LDLRAD3: variants seen among roughly 807,000 people sequenced by gnomAD.
The protein encoded by LDLRAD3 is low density lipoprotein receptor class A domain containing 3.
A neutral mutation model predicts 29.4 loss-of-function variants in LDLRAD3; 20 were observed. The observed-to-expected ratio is 0.68, with a 90% CI of 0.48 to 0.99. The LOEUF is 0.99. Among genes scored for constraint, LDLRAD3 ranks in the 50% least tolerant of loss-of-function variants. LDLRAD3 has a pLI of 0.00. For synonymous variants in LDLRAD3, 157 were observed against 192.7 expected (o/e 0.81, Z 1.53); for missense variants, 420 against 454.3 (o/e 0.92, Z 0.69).
At chr11:36,137,139 A>T (rs754898380) in intron 4 of LDLRAD3, among the ~76,000 whole-genome samples, 40 of 152,236 alleles carry the variant, frequency 2.6e-4, no homozygotes, top group Non-Finnish European at 5.3e-4. Context: ...TCCATGGAAC[A>T]TAACGCAGCC....
chr11:36,136,923 T>G, intron 4 of LDLRAD3, among the ~76,000 whole-genome samples: 1 of 152,140 alleles, frequency 6.6e-6, no homozygotes. Context: ...ACTCCTGGCC[T>G]CGAGTGATCC....
In LDLRAD3 at chr11:36,127,550, T is replaced by C. The variant is rs115412727; in HGVS notation, c.454+29089T>C. ...AACATAGTAGGTACTCAAGAAATGC[T>C]TGATGCTGCTGGGTTAGTCTTATTG... On this transcript the variant is annotated intron_variant, in intron 4 of 5. Transcript: ENST00000315571. Among the ~76,000 whole-genome samples the C allele has an allele frequency of 4.1e-3, 629 of 152,320 alleles. 3 individuals are homozygous for C. Among genetic ancestry groups the C allele is most frequent in the African/African-American group, 0.015 (604 of 41,562 alleles).
At position 36,178,710 on chromosome 11, in the gene LDLRAD3, C is replaced by T. The variant is rs78362695; in HGVS notation, c.455-48375C>T. Among the ~76,000 whole-genome samples the T allele has an allele frequency of 6.1e-3, 931 of 152,306 alleles. 12 individuals carry two copies. Among genetic ancestry groups the T allele is most frequent in the African/African-American group, 0.021 (882 of 41,560 alleles). On this transcript the variant is annotated intron_variant, in intron 4 of 5. Transcript: ENST00000315571. ...AATATTCTGTCTCCATCTCCACTTGCTAAAGTTGTTTCCATCCTTCAAGAC... is the reference window on the plus strand; with the variant it reads ...AATATTCTGTCTCCATCTCCACTTGTTAAAGTTGTTTCCATCCTTCAAGAC...
At chr11:35,971,150 G>A (rs947626356) in intron 1 of LDLRAD3, among the ~76,000 whole-genome samples, 1 of 152,162 alleles carries the variant, frequency 6.6e-6, no homozygotes, top group Non-Finnish European at 1.5e-5. Context: ...AATTCTGCCT[G>A]TACCCTTACC....
intron 1 of LDLRAD3, chr11:35,967,498 C>G (rs1329256649): frequency 2.8e-6 from 1 of 358,648 alleles, no homozygotes; most frequent in East Asian, 7.8e-5. Context: ...CTTGCAAAAT[C>G]TCATTTGCTA....
intron 4 of LDLRAD3, chr11:36,110,053 T>C (rs1350274037): frequency 6.6e-6 from 1 of 152,248 alleles, no homozygotes; most frequent in African/African-American, 2.4e-5. Context: ...TCGAAGAAAC[T>C]GAAGGAGGCT....
chr11:36,029,213 C>T (rs1389051130), intron 1 of LDLRAD3, among the ~76,000 whole-genome samples: 3 of 151,762 alleles, frequency 2.0e-5, no homozygotes, highest in Non-Finnish European at 4.4e-5. Flanking sequence ...TCACTGTACT[C>T]CAGCCTGGCA....
At chr11:36,144,449 T>C (rs1854139316) in intron 4 of LDLRAD3, among the ~76,000 whole-genome samples, 2 of 136,544 alleles carry the variant, frequency 1.5e-5, no homozygotes, top group Admixed American at 1.4e-4. Context: ...GTGAGGAGTG[T>C]CTCTGCCCGG....
intron 1 of LDLRAD3, among the ~76,000 whole-genome samples, chr11:36,000,281 T>C (rs915884707): frequency 1.3e-5 from 2 of 148,644 alleles, no homozygotes; most frequent in African/African-American, 4.9e-5. Context: ...GTATATATAA[T>C]ATATAACATA....
intron 3 of LDLRAD3, among the ~76,000 whole-genome samples, chr11:36,095,922 G>A (rs1853353658): frequency 6.6e-6 from 1 of 152,152 alleles, no homozygotes; most frequent in Non-Finnish European, 1.5e-5. Context: ...TGGACACAAG[G>A]GTTTGGAGAG....
At chr11:35,982,484 T>G (rs1299521803) in intron 1 of LDLRAD3, among the ~76,000 whole-genome samples, 3 of 152,214 alleles carry the variant, frequency 2.0e-5, no homozygotes, top group African/African-American at 7.2e-5. Context: ...GGCCACATTC[T>G]GAGTTAACTG....
chr11:36,050,142 T>G lies in LDLRAD3; in HGVS notation c.193+13893T>G, dbSNP rs565719250. ...TAAGAGAGAATGCTTCAAAGATGGA[T>G]TGGACACTGTTGGAGGAGTAAGTGA... On this transcript the variant is annotated intron_variant, in intron 2 of 5. Transcript: ENST00000315571. Among the ~76,000 whole-genome samples, 4 of 152,292 alleles carry G rather than the reference T, an allele frequency of 2.6e-5. No homozygotes were observed. In the East Asian group the frequency reaches 7.7e-4, roughly 29 times the overall value.
intron 1 of LDLRAD3, among the ~76,000 whole-genome samples, chr11:36,000,653 G>A (rs1393347617): frequency 6.6e-6 from 1 of 152,144 alleles, no homozygotes; most frequent in South Asian, 2.1e-4. Flanking sequence ...TGGGGTGTCT[G>A]GAACTTAGTT....
intron 1 of LDLRAD3, among the ~76,000 whole-genome samples, chr11:35,975,417 A>G (rs1220349931): frequency 6.6e-6 from 1 of 152,188 alleles, no homozygotes; most frequent in Non-Finnish European, 1.5e-5. Context: ...CTCTCCCTGA[A>G]GAACAAGAGC....
At chr11:35,978,615 A>G (rs1312516317) in intron 1 of LDLRAD3, among the ~76,000 whole-genome samples, 1 of 152,172 alleles carries the variant, frequency 6.6e-6, no homozygotes, top group Non-Finnish European at 1.5e-5. Flanking sequence ...CAGTCCTGAA[A>G]GGATTCGCTG....
intron 1 of LDLRAD3, among the ~76,000 whole-genome samples, chr11:35,988,698 C>T (rs981818489): frequency 1.6e-4 from 24 of 152,064 alleles, no homozygotes; most frequent in African/African-American, 5.3e-4. Flanking sequence ...ATTCTCCTGC[C>T]CCAGCCTCCC....
At chr11:36,134,008 C>A (rs1318744257) in intron 4 of LDLRAD3, among the ~76,000 whole-genome samples, 2 of 152,020 alleles carry the variant, frequency 1.3e-5, no homozygotes, top group African/African-American at 4.8e-5. Context: ...CACACACATA[C>A]ACACACATGC....
intron 1 of LDLRAD3, among the ~76,000 whole-genome samples, chr11:36,006,824 C>T (rs866025433): frequency 2.0e-5 from 3 of 152,236 alleles, no homozygotes; most frequent in East Asian, 1.9e-4. Flanking sequence ...GGCTCAAGCC[C>T]GTGGATTCAG....
At chr11:36,187,325 C>G (rs1471378275) in intron 4 of LDLRAD3, among the ~76,000 whole-genome samples, 2 of 152,136 alleles carry the variant, frequency 1.3e-5, no homozygotes, top group Non-Finnish European at 2.9e-5. Context: ...TGCAACCAGA[C>G]TTTTCTATAT....
Sources: allele counts gnomAD v4.1 joint callset (sites outside exome capture counted in the v4.1 genomes callset), GRCh38; gene constraint gnomAD v4.1.1; transcripts MANE v1.5; gene names NCBI Gene and HGNC (gene_info 2026-07-23, HGNC 2026-07-21).